CA8: variants seen among roughly 807,000 people sequenced by gnomAD.
CA8 encodes carbonic anhydrase-related protein.
A neutral mutation model predicts 41.4 loss-of-function variants in CA8; 22 were observed. The ratio of observed to expected loss-of-function variants is 0.53; its 90% CI spans 0.38 to 0.76. The LOEUF (loss-of-function observed/expected upper bound fraction) is 0.76. CA8 is among the 30% of genes least tolerant of loss of function. CA8 has a pLI of 0.00. For synonymous variants in CA8, 121 were observed against 130.6 expected (o/e 0.93, Z 0.50); for missense variants, 270 against 352.8 (o/e 0.77, Z 1.88).
At chr8:60,208,683 GT>G (rs1279147305) in intron 8 of CA8, 66 bp downstream of exon 8, 2 of 1,340,372 alleles carry the variant, frequency 1.5e-6, no homozygotes, top group East Asian at 4.6e-5. Context: ...ATCACAATAA[GT>G]GTACCTTTGG....
rs180804875 is a variant in CA8 at position 60,186,253 on chromosome 8, T to C, written c.*3768A>G. On this transcript the variant is annotated 3_prime_UTR_variant, in exon 9 of 9. Coordinates refer to ENST00000317995, the MANE Select transcript of CA8 (RefSeq NM_004056.6). ...ATAGATGTAATATGTATAACAATAA[T>C]AGCACAAAAAGGGAGAAGAGAGTTC... Among the ~76,000 whole-genome samples, 6 of 152,026 alleles carry C rather than the reference T, an allele frequency of 3.9e-5. No individual in the cohort carries two copies. The East Asian group carries it at 1.2e-3, about 29-fold the overall frequency.
chr8:60,266,992 A>G (rs1161001134), intron 2 of CA8, among the ~76,000 whole-genome samples: 2 of 152,212 alleles, frequency 1.3e-5, no homozygotes, highest in African/African-American at 4.8e-5. Flanking sequence ...CTAGAAGCAG[A>G]CTTTTTGAAA....
chr8:60,195,290 A>C (rs1806250095), intron 8 of CA8, among the ~76,000 whole-genome samples: 1 of 152,200 alleles, frequency 6.6e-6, no homozygotes, highest in African/African-American at 2.4e-5. Flanking sequence ...CTTTTTCTTA[A>C]CCTTGAATTA....
rs1451930649 is a variant in CA8 at position 60,194,818 on chromosome 8, T to G, written c.*36-4833A>C. On this transcript the variant is annotated intron_variant, in intron 8 of 8. Transcript: ENST00000317995. ...CCAAAGTATTGTGGCTGTTGTCTCC[T>G]CTCTTGCTTCTGTATCCTTGTGAGG... Among the ~76,000 whole-genome samples, 4 of 152,136 alleles carry G rather than the reference T, an allele frequency of 2.6e-5. No homozygotes were observed. The East Asian group carries it at 7.7e-4, about 29-fold the overall frequency.
At chr8:60,262,541 C>A (rs1344831699) in intron 3 of CA8, among the ~76,000 whole-genome samples, 3 of 152,098 alleles carry the variant, frequency 2.0e-5, no homozygotes, top group Non-Finnish European at 2.9e-5. Context: ...TGCAAAACAC[C>A]CACACATTAT....
intron 7 of CA8, among the ~76,000 whole-genome samples, chr8:60,222,389 C>A (rs1454957716): frequency 1.3e-5 from 2 of 152,198 alleles, no homozygotes; most frequent in Non-Finnish European, 2.9e-5. Flanking sequence ...AATAACTAGA[C>A]TAATAAAAAG....
At chr8:60,214,926 A>C (rs1315061857) in intron 7 of CA8, among the ~76,000 whole-genome samples, 1 of 152,232 alleles carries the variant, frequency 6.6e-6, no homozygotes. Flanking sequence ...AGAGACAGGA[A>C]AAAACAGACA....
At chr8:60,255,244 GC>G (rs1186649169) in intron 3 of CA8, among the ~76,000 whole-genome samples, 1 of 140,460 alleles carries the variant, frequency 7.1e-6, no homozygotes. Context: ...AACACCCCCA[GC>G]CCCCCACCGC....
At chr8:60,248,695 A>G (rs1300925207) in intron 3 of CA8, among the ~76,000 whole-genome samples, 1 of 152,168 alleles carries the variant, frequency 6.6e-6, no homozygotes, top group Admixed American at 6.5e-5. Flanking sequence ...TGATGTCACC[A>G]GCTTTTTTCT....
chr8:60,267,168 A>C (rs1173608845), intron 2 of CA8, among the ~76,000 whole-genome samples: 6 of 152,240 alleles, frequency 3.9e-5, no homozygotes, highest in Non-Finnish European at 4.4e-5. Context: ...CTTGTTTCAA[A>C]AAGGATTTAA....
rs1805978782 is a variant in CA8 at position 60,186,806 on chromosome 8, G to A, written c.*3215C>T. Among the ~76,000 whole-genome samples the A allele has an allele frequency of 6.6e-6, 1 of 151,856 alleles. No individual in the cohort carries two copies. On this transcript the variant is annotated 3_prime_UTR_variant, in exon 9 of 9. Transcript: ENST00000317995. ...ATATTAAAATAAAAAAATGTTACTAGAGATAAAGAAGGACAAAAGTCCCAA... is the reference window on the plus strand; with the variant it reads ...ATATTAAAATAAAAAAATGTTACTAAAGATAAAGAAGGACAAAAGTCCCAA...
At chr8:60,273,846 C>T (rs1378309250) in intron 2 of CA8, among the ~76,000 whole-genome samples, 1 of 152,214 alleles carries the variant, frequency 6.6e-6, no homozygotes, top group Non-Finnish European at 1.5e-5. Context: ...GGGGCAGGGG[C>T]TCATGCCCCT....
intron 3 of CA8, among the ~76,000 whole-genome samples, chr8:60,259,267 T>C (rs1803654082): frequency 6.6e-6 from 1 of 152,236 alleles, no homozygotes; most frequent in Non-Finnish European, 1.5e-5. Context: ...TTTAGATCTG[T>C]CAGAACCCAA....
chr8:60,208,941 A>C, intron 7 of CA8, 22 bp from the exon 8 acceptor site: 1 of 1,612,604 alleles, frequency 6.2e-7, no homozygotes, highest in Non-Finnish European at 8.5e-7. Context: ...AGCAGAAGAA[A>C]ATAGATTAAT....
chr8:60,275,241 C>G (rs985255977), intron 2 of CA8, among the ~76,000 whole-genome samples: 2 of 152,176 alleles, frequency 1.3e-5, no homozygotes, highest in Admixed American at 6.5e-5. Flanking sequence ...CCCAGGTGCA[C>G]AGAGCTTCTG....
chr8:60,213,910 A>C (rs1403257401), intron 7 of CA8, among the ~76,000 whole-genome samples: 1 of 152,128 alleles, frequency 6.6e-6, no homozygotes, highest in Non-Finnish European at 1.5e-5. Context: ...GATCTCAATT[A>C]CATGTAAAGA....
chr8:60,249,522 G>T (rs1202524421), intron 3 of CA8, among the ~76,000 whole-genome samples: 3 of 152,138 alleles, frequency 2.0e-5, no homozygotes, highest in Non-Finnish European at 4.4e-5. Flanking sequence ...TTTTCATTGT[G>T]TATTTTCACT....
intron 2 of CA8, among the ~76,000 whole-genome samples, chr8:60,272,278 G>T (rs1804097296): frequency 6.6e-6 from 1 of 151,804 alleles, no homozygotes; most frequent in African/African-American, 2.4e-5. Context: ...TTTTGGTTGA[G>T]TCTTTTGTAC....
At chr8:60,275,810 A>C (rs534364259) in intron 2 of CA8, among the ~76,000 whole-genome samples, 6 of 152,320 alleles carry the variant, frequency 3.9e-5, no homozygotes, top group African/African-American at 1.4e-4. Context: ...CAACAGTAGT[A>C]AAGAAAACAC....
Sources: gnomAD v4.1 joint callset for allele counts (sites outside exome capture counted in the v4.1 genomes callset) on GRCh38, gnomAD v4.1.1 for gene constraint, MANE v1.5 for transcripts, NCBI Gene and HGNC (gene_info 2026-07-23, HGNC 2026-07-21) for gene names.